PRR12: variants seen among roughly 807,000 people sequenced by gnomAD.
PRR12 encodes proline rich 12.
Under a neutral mutation model 138.0 loss-of-function variants are expected in PRR12, and 12 were observed. That is an observed-to-expected ratio of 0.09 (90% CI 0.06 to 0.14). The LOEUF is 0.14. Ranked by LOEUF, PRR12 falls within the 10% of genes least tolerant of loss-of-function variation. The pLI is 1.00. For synonymous variants in PRR12, 1,567 were observed against 1,291.7 expected, an observed-to-expected ratio of 1.21 and a Z score of -4.57; for missense variants, 2,692 against 2,861.3, an observed-to-expected ratio of 0.94 and a Z score of 1.35.
rs1481606004 is a variant in PRR12, at chr19:49,622,926, TATAG to T, written c.5721+1306_5721+1309del. Among the ~76,000 whole-genome samples, 766 of 87,472 alleles carry T rather than the reference TATAG, an allele frequency of 8.8e-3. 12 individuals carry two copies. Among genetic ancestry groups the T allele is most frequent in the African/African-American group, 0.037 (598 of 15,954 alleles). 57.4% of individuals were successfully genotyped at this position (87,472 alleles called of 152,430 possible). A position where few individuals can be genotyped will look rare whatever the true frequency, so the allele number is the denominator to read the frequency against. ...ACAAAAACATATATATATATATATATATAGAGAGAGAGAGAGAGAGAGAGAGAGA... is the reference window on the plus strand; with the variant it reads ...ACAAAAACATATATATATATATATATAGAGAGAGAGAGAGAGAGAGAGAGA... On this transcript the variant is annotated intron_variant, in intron 11 of 13. Transcript: ENST00000418929.
Position 49,625,895 on chromosome 19 carries a change from ACCCCCCCTCCACAGCCACAGCCCCCG to A in PRR12, c.*294_*319del, listed in dbSNP as rs200710068. The A allele has an allele frequency of 0.04, 8,751 of 217,786 alleles. 302 individuals carry two copies. Among genetic ancestry groups the A allele is most frequent in the Non-Finnish European group, 0.051 (5,904 of 114,976 alleles). The allele number at this position is 217,786 out of a possible 1,614,324, so 13.5% of individuals were successfully genotyped here. On this transcript the variant is annotated 3_prime_UTR_variant, in exon 14 of 14. Coordinates refer to ENST00000418929, the MANE Select transcript of PRR12 (RefSeq NM_020719.3). The surrounding 1 kb of genome is among the most constrained non-coding windows in gnomAD (Gnocchi z 5.5). ...ACGGTTTCCCTCTCCCCTTGCCCCG[ACCCCCCCTCCACAGCCACAGCCCCCG>A]CCCCCTCCACCTTGTACATAATGTA... is the stretch of plus-strand genomic sequence containing the variant.
At chr19:49,624,146 G>A (rs767115703) in intron 11 of PRR12, among the ~76,000 whole-genome samples, 28 of 151,048 alleles carry the variant, frequency 1.9e-4, no homozygotes, top group Non-Finnish European at 3.4e-4. Context: ...GGATGGGACC[G>A]AGAATTCTGG....
rs2080879506 is a variant in PRR12, at chr19:49,614,086, G to C, written c.4774-447G>C. Among the ~76,000 whole-genome samples, 1 of 152,122 alleles carries C rather than the reference G, an allele frequency of 6.6e-6. No homozygotes were observed. The highest frequency in any genetic ancestry group is 1.5e-5 in the Non-Finnish European group (1 of 68,020). On this transcript the variant is annotated intron_variant, in intron 6 of 13. Transcript: ENST00000418929. This position sits in a 1 kb window ranked among gnomAD's most constrained non-coding sequence, Gnocchi z 5.0. ...ATTGCGCCACTGCACTCCAACCTGG[G>C]CAACAAGAGCAAAACTCCGTCTCAA...
At position 49,597,380 on chromosome 19, in the gene PRR12, G is replaced by A; in HGVS notation, c.3045G>A (p.Pro1015=). The A allele has an allele frequency of 1.3e-6, 2 of 1,537,732 alleles. No homozygotes were observed. The highest frequency in any genetic ancestry group is 2.4e-5 in the East Asian group (1 of 40,848). ...TPGLGLDPNK[P]PELPSTVNAE... is the part of the protein sequence containing the mutation. Reference sequence around the variant, plus strand: ...GCCTGGGCCTGGACCCCAACAAACCGCCTGAACTGCCCTCCACGGTCAACG... The same window carrying A: ...GCCTGGGCCTGGACCCCAACAAACCACCTGAACTGCCCTCCACGGTCAACG... The change falls in exon 4 of 14, where the codon CCG becomes CCA. Residue 1015 remains proline, a synonymous_variant. Transcript: ENST00000418929. This position sits in a 1 kb window ranked among gnomAD's most constrained non-coding sequence, Gnocchi z 6.3.
At position 49,597,094 on chromosome 19, in the gene PRR12, G is replaced by A; in HGVS notation, c.2759G>A (p.Gly920Asp). ...GCCTACCGCAGCCCCAGCCCGCAAG[G>A]CACCAAGGCGCCGCGTTTCGTGCCG... ...AGAYRSPSPQ[G>D]TKAPRFVPLT... Residue 920 changes from glycine to aspartate, a missense_variant, in exon 4 of 14, where the codon GGC becomes GAC. Around this residue, in one of 11 missense-constraint regions of PRR12, gnomAD observed 840 missense variants for 689.8 expected, o/e 1.22. Transcript: ENST00000418929. The surrounding 1 kb of genome is among the most constrained non-coding windows in gnomAD (Gnocchi z 6.3). The A allele has an allele frequency of 6.4e-7, 1 of 1,551,460 alleles. No individual in the cohort carries two copies. Among genetic ancestry groups the A allele is most frequent in the Non-Finnish European group, 8.7e-7 (1 of 1,147,736 alleles).
intron 6 of PRR12, among the ~76,000 whole-genome samples, chr19:49,613,917 C>T (rs201047623): frequency 4.6e-5 from 7 of 151,984 alleles, no homozygotes; most frequent in Non-Finnish European, 7.4e-5. Flanking sequence ...AAGACCAGCC[C>T]GACCAACATG....
At chr19:49,601,957 T>C in intron 6 of PRR12, 39 bp downstream of exon 6, 1 of 1,591,922 alleles carries the variant, frequency 6.3e-7, no homozygotes, top group Non-Finnish European at 8.5e-7. Flanking sequence ...GCCTGATGGG[T>C]TTGGTCACCT....
rs1261956901 is a variant in PRR12, at chr19:49,596,295, C to T, written c.1960C>T (p.Arg654Trp). 3 of 1,611,282 alleles carry T rather than the reference C, an allele frequency of 1.9e-6. No individual in the cohort carries two copies. The highest frequency in any genetic ancestry group is 2.5e-6 in the Non-Finnish European group (3 of 1,179,538). ...CCTCTTGCAGGCGCCCAGCCCTCCT[C>T]GGACCTCAGGGGCGGACGGCTTGGT... is the stretch of plus-strand genomic sequence containing the variant. ...QHLLQAPSPP[R>W]TSGADGLVGE... Residue 654 changes from arginine to tryptophan, a missense_variant, in exon 4 of 14, where the codon CGG (arginine) becomes TGG (tryptophan). Physicochemically the swap from Arg to Trp is moderately radical, Grantham distance 101. Around this residue, in one of 11 missense-constraint regions of PRR12, gnomAD observed 840 missense variants for 689.8 expected, o/e 1.22. Transcript: ENST00000418929. The surrounding 1 kb of genome is among the most constrained non-coding windows in gnomAD (Gnocchi z 5.6).
At position 49,610,546 on chromosome 19, in the gene PRR12, A is replaced by ATTTTTTTTTTTTT. The variant is rs922178889; in HGVS notation, c.4774-3985_4774-3973dup. ...CATGCCATGGTAAAACCCTGTTCCT[A>ATTTTTTTTTTTTT]TTTTTTTTTTTTTTGAGATGGAGTC... On this transcript the variant is annotated intron_variant, in intron 6 of 13. Coordinates refer to ENST00000418929, the MANE Select transcript of PRR12 (RefSeq NM_020719.3). Among the ~76,000 whole-genome samples, 610 of 121,566 alleles carry ATTTTTTTTTTTTT rather than the reference A, an allele frequency of 5.0e-3. 62 individuals carry two copies. The highest frequency in any genetic ancestry group is 0.018 in the African/African-American group (490 of 27,924). 79.8% of individuals were successfully genotyped at this position (121,566 alleles called of 152,430 possible).
Position 49,599,654 on chromosome 19 carries a change from G to A in PRR12, c.4061G>A (p.Gly1354Asp). 6.2e-7 allele frequency: 1 copy of A among 1,611,972 alleles called. No individual in the cohort carries two copies. Among genetic ancestry groups the A allele is most frequent in the African/African-American group, 1.3e-5 (1 of 75,030 alleles). The change falls in exon 5 of 14, where the codon GGT becomes GAT. Residue 1354 changes from glycine (G) to aspartate (D), a missense_variant. Coordinates refer to ENST00000418929, the MANE Select transcript of PRR12 (RefSeq NM_020719.3). This position sits in a 1 kb window ranked among gnomAD's most constrained non-coding sequence, Gnocchi z 5.0. ...GCCCTGGAGGCTGCAGAGAGTGAGG[G>A]TCTGGGGCTTGGCTGCCCTTCACCC... ...GGALEAAESE[G>D]LGLGCPSPCK...
Position 49,597,994 on chromosome 19 carries a change from A to G in PRR12, c.3659A>G (p.Glu1220Gly). ...KAEEAGGTRL[E>G]PLKPLKIKLS... ...GAGGAGGCAGGGGGCACCCGGTTGGAGCCCCTGAAGCCACTTAAGGTGAGG... is the reference window on the plus strand; with the variant it reads ...GAGGAGGCAGGGGGCACCCGGTTGGGGCCCCTGAAGCCACTTAAGGTGAGG... Residue 1220 changes from glutamate (E) to glycine (G), a missense_variant, in exon 4 of 14, where the codon GAG becomes GGG. Transcript: ENST00000418929. The surrounding 1 kb of genome is among the most constrained non-coding windows in gnomAD (Gnocchi z 6.3). 7.2e-7 allele frequency: 1 copy of G among 1,380,604 alleles called. No individual in the cohort carries two copies. Among genetic ancestry groups the G allele is most frequent in the South Asian group, 1.9e-5 (1 of 52,592 alleles). 85.5% of individuals were successfully genotyped at this position (1,380,604 alleles called of 1,614,324 possible).
chr19:49,593,281 G>A, intron 1 of PRR12, 46 bp from the exon 2 acceptor site: 2 of 960,224 alleles, frequency 2.1e-6, no homozygotes, highest in African/African-American at 1.7e-5. Context: ...TTCCTTCTCA[G>A]AAGGCAGCTT....
chr19:49,622,817 G>T (rs1339064478), intron 11 of PRR12, among the ~76,000 whole-genome samples: 2 of 146,900 alleles, frequency 1.4e-5, no homozygotes, highest in Non-Finnish European at 3.0e-5. Context: ...GCGTGAACCC[G>T]GGAGGCGGAG....
chr19:49,599,351 G>T lies in PRR12; in HGVS notation c.3758G>T (p.Ser1253Ile), dbSNP rs756328792. 20 of 1,613,154 alleles carry T rather than the reference G, an allele frequency of 1.2e-5. No homozygotes were observed. In the African/African-American group the frequency reaches 2.7e-4, roughly 22 times the overall value. The change falls in exon 5 of 14, where the codon AGC becomes ATC. Residue 1253 changes from serine (S) to isoleucine (I), a missense_variant. Around this residue, in one of 11 missense-constraint regions of PRR12, gnomAD observed 326 missense variants for 344.2 expected, o/e 0.95. Transcript: ENST00000418929. The surrounding 1 kb of genome is among the most constrained non-coding windows in gnomAD (Gnocchi z 5.0). ...GCCATATCAGGCACTGACCACAACAGCCTGGACTCGAGCCTGACTCGGGAG... is the reference window on the plus strand; with the variant it reads ...GCCATATCAGGCACTGACCACAACATCCTGGACTCGAGCCTGACTCGGGAG... ...GDAISGTDHNSLDSSLTREKI... is the reference protein window; with the variant it reads ...GDAISGTDHNILDSSLTREKI...
In PRR12 at chr19:49,591,599, GCCCCCTCCCTCCCTCCCTC is replaced by G; in HGVS notation, c.-53_-35del. ...CGGCGGCGGAGGAGAGCGCGCGCGCGCCCCCTCCCTCCCTCCCTCCCTCCCCCTCCCCCCAATTTCCACC... is the reference window on the plus strand; with the variant it reads ...CGGCGGCGGAGGAGAGCGCGCGCGCGCCTCCCCCTCCCCCCAATTTCCACC... On this transcript the variant is annotated 5_prime_UTR_variant, in exon 1 of 14. Transcript: ENST00000418929. 1 of 416,636 alleles carries G rather than the reference GCCCCCTCCCTCCCTCCCTC, an allele frequency of 2.4e-6. No homozygotes were observed. The highest frequency in any genetic ancestry group is 4.5e-6 in the Non-Finnish European group (1 of 224,334). 25.8% of individuals were successfully genotyped at this position (416,636 alleles called of 1,614,324 possible).
At chr19:49,608,847 A>G (rs1341995923) in intron 6 of PRR12, among the ~76,000 whole-genome samples, 1 of 152,050 alleles carries the variant, frequency 6.6e-6, no homozygotes, top group Non-Finnish European at 1.5e-5. Context: ...GTCTCAAAAA[A>G]AAAAACAAAA....
chr19:49,618,250 C>T (rs1278083601), intron 9 of PRR12, among the ~76,000 whole-genome samples: 2 of 152,052 alleles, frequency 1.3e-5, no homozygotes, highest in East Asian at 1.9e-4. Flanking sequence ...TGCCCCTGGC[C>T]ACCCCACAGA....
chr19:49,595,845 G>A lies in PRR12; in HGVS notation c.1510G>A (p.Gly504Arg). 6.2e-7 allele frequency: 1 copy of A among 1,601,486 alleles called. No individual in the cohort carries two copies. The highest frequency in any genetic ancestry group is 8.5e-7 in the Non-Finnish European group (1 of 1,178,188). The change falls in exon 4 of 14, where the codon GGG becomes AGG. Residue 504 changes from glycine (G) to arginine (R), a missense_variant. Coordinates refer to ENST00000418929, the MANE Select transcript of PRR12 (RefSeq NM_020719.3). ...CQSYSPDQLQ[G>R]QLYGVQGEPY... ...GAGCTACTCCCCGGACCAGCTGCAG[G>A]GGCAGCTGTATGGGGTGCAGGGCGA...
intron 2 of PRR12, among the ~76,000 whole-genome samples, chr19:49,593,679 A>G (rs2080745119): frequency 6.6e-6 from 1 of 151,518 alleles, no homozygotes. Context: ...TGTTACCATC[A>G]GCCCCCAAAT....
Sources: gnomAD v4.1 joint callset for allele counts (sites outside exome capture counted in the v4.1 genomes callset) on GRCh38, gnomAD v4.1.1 for gene constraint, gnomAD v4.1.1 regional missense constraint, Gnocchi (gnomAD v3.1) non-coding constraint, MANE v1.5 for transcripts, NCBI Gene and HGNC (gene_info 2026-07-23, HGNC 2026-07-21) for gene names.